The following TRIM66 variants were observed in gnomAD, a reference collection of about 807,000 sequenced individuals.
TRIM66 encodes the protein tripartite motif containing 66.
A neutral mutation model predicts 148.2 loss-of-function variants in TRIM66; 99 were observed. The observed-to-expected ratio is 0.67, with a 90% CI of 0.57 to 0.79. TRIM66 has a LOEUF of 0.79. Ranked by LOEUF, TRIM66 falls within the 30% of genes least tolerant of loss-of-function variation. The pLI, the probability that TRIM66 is intolerant of heterozygous loss-of-function variation, is 0.00. For missense variants in TRIM66, 1,666 were observed against 1,697.9 expected (o/e 0.98, Z 0.33); for synonymous variants, 616 against 635.9 (o/e 0.97, Z 0.47).
chr11:8,624,565 A>G lies in TRIM66; in HGVS notation c.2827-14T>C. On this transcript the variant is annotated splice_polypyrimidine_tract_variant and intron_variant, in intron 16 of 24. Coordinates refer to ENST00000646038, the MANE Select transcript of TRIM66 (RefSeq NM_001388022.1). ...CTCACTTTCCATCTTTCAAAAGTGAAATGTCGACAAGAATCAAAGAACTCA... is the reference window on the plus strand; with the variant it reads ...CTCACTTTCCATCTTTCAAAAGTGAGATGTCGACAAGAATCAAAGAACTCA... 1 of 1,519,858 alleles carries G rather than the reference A, an allele frequency of 6.6e-7. No homozygotes were observed. The highest frequency in any genetic ancestry group is 8.8e-7 in the Non-Finnish European group (1 of 1,133,314). 94.1% of individuals were successfully genotyped at this position (1,519,858 alleles called of 1,614,324 possible). A position where few individuals can be genotyped will look rare whatever the true frequency, so the allele number is the denominator to read the frequency against.
intron 4 of TRIM66, among the ~76,000 whole-genome samples, chr11:8,674,170 C>G (rs1235138194): frequency 6.6e-6 from 1 of 152,184 alleles, no homozygotes; most frequent in Non-Finnish European, 1.5e-5. Flanking sequence ...TATGTTTACT[C>G]ATTGAAGACC....
intron 6 of TRIM66, among the ~76,000 whole-genome samples, chr11:8,660,925 A>G (rs2038207221): frequency 1.3e-5 from 2 of 152,246 alleles, no homozygotes; most frequent in African/African-American, 4.8e-5. Context: ...ATATAGAGAA[A>G]TGACAGGAGG....
upstream of TRIM66, chr11:8,683,006 G>A: frequency 2.3e-6 from 2 of 875,400 alleles, no homozygotes; most frequent in African/African-American, 1.7e-5. Context: ...CCCGCGGTTC[G>A]GATCTCTAGG....
rs951580558 is a variant in TRIM66, at chr11:8,617,292, T to C, written c.*652A>G. The C allele has an allele frequency of 1.3e-5, 2 of 152,636 alleles. No homozygotes were observed. Among genetic ancestry groups the C allele is most frequent in the African/African-American group, 4.8e-5 (2 of 41,438 alleles). The allele number at this position is 152,636 out of a possible 1,614,324, so 9.5% of individuals were successfully genotyped here. ...AAGAATGTCACACCATCCACAGCAT[T>C]TTCACAGCAGCCACCTATGTCAACA... On this transcript the variant is annotated 3_prime_UTR_variant, in exon 25 of 25. Transcript: ENST00000646038.
intron 1 of TRIM66, chr11:8,681,025 G>A (rs924901925): frequency 2.0e-5 from 3 of 152,206 alleles, no homozygotes; most frequent in African/African-American, 2.4e-5. Context: ...CACAGGCTGT[G>A]AGCTAGACCG....
chr11:8,625,414 G>A (rs2034723792), intron 15 of TRIM66, among the ~76,000 whole-genome samples, 186 bp from the exon 16 acceptor site: 1 of 151,570 alleles, frequency 6.6e-6, no homozygotes, highest in Non-Finnish European at 1.5e-5. Flanking sequence ...CTGAAACCAA[G>A]GAGGCTGCTA....
rs866939391 is a variant in TRIM66 at position 8,674,820 on chromosome 11, A to G, written c.-126T>C. On this transcript the variant is annotated 5_prime_UTR_variant, in exon 4 of 25. Coordinates refer to ENST00000646038, the MANE Select transcript of TRIM66 (RefSeq NM_001388022.1). Reference sequence around the variant, plus strand: ...GACTCCCATACCTGTTTCTGCAGTCAATCTGTTATATGTTGTTTTGTTCAC... The same window carrying G: ...GACTCCCATACCTGTTTCTGCAGTCGATCTGTTATATGTTGTTTTGTTCAC... 5.3e-5 allele frequency: 8 copies of G among 152,256 alleles called. No individual in the cohort carries two copies. The highest frequency in any genetic ancestry group is 1.9e-4 in the African/African-American group (8 of 41,472). 9.4% of individuals were successfully genotyped at this position (152,256 alleles called of 1,614,324 possible).
rs1555042270 is a variant in TRIM66, at chr11:8,628,636, A to AAAAAAAAAAAAAAAAAAGAGAGAG, written c.2311-3409_2311-3408insCTCTCTCTTTTTTTTTTTTTTTTT. ...TCAAAAAAAAAAAAAAAAAAAAAAA[A>AAAAAAAAAAAAAAAAAAGAGAGAG]AGAGAGAGAATCCAGATCTTTGGTA... On this transcript the variant is annotated intron_variant, in intron 15 of 24. Coordinates refer to ENST00000646038, the MANE Select transcript of TRIM66 (RefSeq NM_001388022.1). Among the ~76,000 whole-genome samples the AAAAAAAAAAAAAAAAAAGAGAGAG allele has an allele frequency of 1.9e-3, 179 of 93,262 alleles. 9 individuals are homozygous for AAAAAAAAAAAAAAAAAAGAGAGAG. Among genetic ancestry groups the AAAAAAAAAAAAAAAAAAGAGAGAG allele is most frequent in the Middle Eastern group, 5.8e-3 (1 of 172 alleles). The allele number at this position is 93,262 out of a possible 152,430, so 61.2% of individuals were successfully genotyped here. A position where few individuals can be genotyped will look rare whatever the true frequency, so the allele number is the denominator to read the frequency against.
intron 10 of TRIM66, among the ~76,000 whole-genome samples, chr11:8,646,933 A>G (rs2036896515): frequency 2.9e-5 from 1 of 34,240 alleles, no homozygotes. Context: ...AAGAGGCAGA[A>G]TGCATACTGC....
In TRIM66 at chr11:8,624,350, G is replaced by A. The variant is rs766317081; in HGVS notation, c.3019+9C>T. On this transcript the variant is annotated intron_variant, in intron 17 of 24. Transcript: ENST00000646038. The stretch of plus-strand genomic sequence containing the variant: ...GGCCAACATGAAGGGCAGGCTGCTT[G>A]AGTCTCACCTTTTGGGTTCTGGTAC... The A allele has an allele frequency of 6.5e-7, 1 of 1,549,338 alleles. No individual in the cohort carries two copies.
At chr11:8,644,207 A>C in intron 12 of TRIM66, 1 of 324,908 alleles carries the variant, frequency 3.1e-6, no homozygotes, top group Non-Finnish European at 6.0e-6. Context: ...CTAGTGTCCT[A>C]ATTCCCTCCC....
At chr11:8,660,525 T>C (rs1265346853) in intron 6 of TRIM66, among the ~76,000 whole-genome samples, 1 of 152,256 alleles carries the variant, frequency 6.6e-6, no homozygotes, top group African/African-American at 2.4e-5. Flanking sequence ...CATTTCCATA[T>C]TGTCTATGGC....
chr11:8,634,316 C>G (rs1297988985), intron 15 of TRIM66, among the ~76,000 whole-genome samples: 2 of 152,206 alleles, frequency 1.3e-5, no homozygotes, highest in African/African-American at 4.8e-5. Flanking sequence ...CAGGCATGCA[C>G]CACCACGCCT....
chr11:8,672,661 C>T (rs2038994446), intron 4 of TRIM66, among the ~76,000 whole-genome samples: 1 of 149,946 alleles, frequency 6.7e-6, no homozygotes, highest in African/African-American at 2.4e-5. Flanking sequence ...CACTCTGTGG[C>T]CCAGGCTGGA....
chr11:8,676,702 T>C (rs2039195112), intron 3 of TRIM66, among the ~76,000 whole-genome samples: 1 of 152,220 alleles, frequency 6.6e-6, no homozygotes, highest in Non-Finnish European at 1.5e-5. Context: ...AATGACCCCA[T>C]TTCTGCCCCC....
intron 15 of TRIM66, among the ~76,000 whole-genome samples, chr11:8,625,430 T>A (rs957069304): frequency 6.7e-6 from 1 of 149,936 alleles, no homozygotes; most frequent in Non-Finnish European, 1.5e-5. Flanking sequence ...TGCTAGGCTA[T>A]GACATAGAGA....
intron 13 of TRIM66, 137 bp from the exon 14 acceptor site, chr11:8,641,289 C>T: frequency 1.3e-6 from 1 of 788,072 alleles, no homozygotes; most frequent in Non-Finnish European, 2.0e-6. Flanking sequence ...AACCCTTGAT[C>T]TCCTAGACTC....
At chr11:8,660,223 A>C (rs1483928254) in intron 6 of TRIM66, among the ~76,000 whole-genome samples, 1 of 152,070 alleles carries the variant, frequency 6.6e-6, no homozygotes, top group Admixed American at 6.5e-5. Flanking sequence ...TCCTTTCTGA[A>C]CAGAATCCCC....
At chr11:8,622,226 A>C (rs1450040221) in intron 18 of TRIM66, among the ~76,000 whole-genome samples, 1 of 150,680 alleles carries the variant, frequency 6.6e-6, no homozygotes, top group African/African-American at 2.4e-5. Context: ...TCAAGCTTGC[A>C]GACAACCTAT....
Sources: gnomAD v4.1 joint callset for allele counts (sites outside exome capture counted in the v4.1 genomes callset) on GRCh38, gnomAD v4.1.1 for gene constraint, MANE v1.5 for transcripts, NCBI Gene and HGNC (gene_info 2026-07-23, HGNC 2026-07-21) for gene names.